The following RHOJ variants were observed in gnomAD, a reference collection of about 807,000 sequenced individuals.
RHOJ encodes rho-related GTP-binding protein RhoJ.
In RHOJ, 11 loss-of-function variants were observed where a neutral mutation model predicts 23.4. The observed-to-expected ratio is 0.47, with a 90% CI of 0.30 to 0.78. The LOEUF is 0.78. RHOJ is among the 30% of genes least tolerant of loss of function. The probability of loss-of-function intolerance (pLI) is 0.08; values close to 1 mark genes in which losing one functional copy is unlikely to be tolerated. For missense variants in RHOJ, 254 were observed against 273.4 expected, an observed-to-expected ratio of 0.93 and a Z score of 0.50; for synonymous variants, 102 against 102.7, an observed-to-expected ratio of 0.99 and a Z score of 0.04.
intron 2 of RHOJ, among the ~76,000 whole-genome samples, chr14:63,273,338 T>C (rs1289644353): frequency 6.6e-6 from 1 of 152,248 alleles, no homozygotes; most frequent in Non-Finnish European, 1.5e-5. Flanking sequence ...CAACTCATCC[T>C]GTACGAGACA....
At position 63,277,324 on chromosome 14, in the gene RHOJ, C is replaced by A. The variant is rs114027770; in HGVS notation, c.238-3647C>A. Among the ~76,000 whole-genome samples, 340 of 152,302 alleles carry A rather than the reference C, an allele frequency of 2.2e-3. 1 individual carries two copies. The highest frequency in any genetic ancestry group is 7.7e-3 in the African/African-American group (319 of 41,566). On this transcript the variant is annotated intron_variant, in intron 2 of 4. Coordinates refer to ENST00000316754, the MANE Select transcript of RHOJ (RefSeq NM_020663.5). ...AACAATGGCTGACCTTTAGCAATAACCCCTTGGGTGCATCCTCCATTAATG... is the reference window on the plus strand; with the variant it reads ...AACAATGGCTGACCTTTAGCAATAAACCCTTGGGTGCATCCTCCATTAATG...
At chr14:63,287,554 C>A (rs1333694295) in intron 4 of RHOJ, among the ~76,000 whole-genome samples, 1 of 151,572 alleles carries the variant, frequency 6.6e-6, no homozygotes, top group Non-Finnish European at 1.5e-5. Context: ...ACTAGAACAA[C>A]ATGGAAGAAG....
rs974069685 is a variant in RHOJ at position 63,293,432 on chromosome 14, G to A, written c.*2408G>A. Among the ~76,000 whole-genome samples the A allele has an allele frequency of 5.3e-5, 8 of 152,218 alleles. No individual in the cohort carries two copies. Among genetic ancestry groups the A allele is most frequent in the African/African-American group, 1.9e-4 (8 of 41,462 alleles). Reference sequence around the variant, plus strand: ...CAGAACCAGCAACTGGATAGAGACTGTTGTTAGTGTCTGGGTAGAGCACAG... The same window carrying A: ...CAGAACCAGCAACTGGATAGAGACTATTGTTAGTGTCTGGGTAGAGCACAG... On this transcript the variant is annotated 3_prime_UTR_variant, in exon 5 of 5. Coordinates refer to ENST00000316754, the MANE Select transcript of RHOJ (RefSeq NM_020663.5).
chr14:63,259,819 C>A (rs565821431), intron 1 of RHOJ, among the ~76,000 whole-genome samples: 1 of 152,080 alleles, frequency 6.6e-6, no homozygotes, highest in African/African-American at 2.4e-5. Flanking sequence ...GTTTCGTTAC[C>A]TAAAAAGAAC....
At chr14:63,224,015 G>A (rs1429785961) in intron 1 of RHOJ, among the ~76,000 whole-genome samples, 10 of 151,948 alleles carry the variant, frequency 6.6e-5, no homozygotes, top group South Asian at 2.1e-4. Context: ...ATAACATAGC[G>A]CTCCAGGGGT....
intron 1 of RHOJ, among the ~76,000 whole-genome samples, chr14:63,237,217 A>T (rs1398735224): frequency 6.6e-6 from 1 of 152,210 alleles, no homozygotes; most frequent in African/African-American, 2.4e-5. Context: ...AGAAAATATG[A>T]GCAAGAGAAT....
intron 2 of RHOJ, among the ~76,000 whole-genome samples, chr14:63,273,725 C>T (rs1229068417): frequency 6.6e-6 from 1 of 152,238 alleles, no homozygotes; most frequent in Non-Finnish European, 1.5e-5. Context: ...AAGCCCTATT[C>T]AGATTGTGGC....
chr14:63,291,199 C>T lies in RHOJ; in HGVS notation c.*175C>T, dbSNP rs766805640. On this transcript the variant is annotated 3_prime_UTR_variant, in exon 5 of 5. Transcript: ENST00000316754. ...CAGCACACTAGTCAGCCCACTGCCA[C>T]GACCTCCCTGCCAGCCAGAAGCATC... The T allele has an allele frequency of 5.3e-5, 38 of 710,632 alleles. No individual in the cohort carries two copies. The highest frequency in any genetic ancestry group is 4.7e-4 in the South Asian group (30 of 63,776). The allele number at this position is 710,632 out of a possible 1,614,324, so 44.0% of individuals were successfully genotyped here. A position where few individuals can be genotyped will look rare whatever the true frequency, so the allele number is the denominator to read the frequency against.
At chr14:63,240,232 T>C (rs540951969) in intron 1 of RHOJ, among the ~76,000 whole-genome samples, 59 of 152,324 alleles carry the variant, frequency 3.9e-4, no homozygotes, top group South Asian at 3.3e-3. Context: ...AAATATACTT[T>C]CTTTCTGGAA....
intron 2 of RHOJ, among the ~76,000 whole-genome samples, chr14:63,272,916 G>A (rs905296363): frequency 2.0e-5 from 3 of 152,154 alleles, no homozygotes; most frequent in Non-Finnish European, 4.4e-5. Context: ...CCAGCTACTT[G>A]GGGGGCTGAG....
At chr14:63,211,516 A>G (rs903751759) in intron 1 of RHOJ, among the ~76,000 whole-genome samples, 3 of 152,220 alleles carry the variant, frequency 2.0e-5, no homozygotes, top group Non-Finnish European at 4.4e-5. Flanking sequence ...CTTATAGAGT[A>G]TATGTGATGT....
chr14:63,280,856 G>A (rs945798484), intron 2 of RHOJ, 115 bp from the exon 3 acceptor site: 1 of 919,468 alleles, frequency 1.1e-6, no homozygotes, highest in South Asian at 2.5e-5. Flanking sequence ...CCAGGGTTGA[G>A]GAAGAAACGG....
In RHOJ at chr14:63,278,407, C is replaced by T. The variant is rs111292726; in HGVS notation, c.238-2564C>T. Among the ~76,000 whole-genome samples, 178 of 152,184 alleles carry T rather than the reference C, an allele frequency of 1.2e-3. 1 individual carries two copies. The highest frequency in any genetic ancestry group is 4.0e-3 in the African/African-American group (167 of 41,498). On this transcript the variant is annotated intron_variant, in intron 2 of 4. Transcript: ENST00000316754. ...TGTATGTAGTGTGCACATGTGTGTACTTCCTTTTCTGGTCTTTTTTAAAAT... is the reference window on the plus strand; with the variant it reads ...TGTATGTAGTGTGCACATGTGTGTATTTCCTTTTCTGGTCTTTTTTAAAAT...
At chr14:63,241,325 T>C (rs1031764221) in intron 1 of RHOJ, among the ~76,000 whole-genome samples, 3 of 152,140 alleles carry the variant, frequency 2.0e-5, no homozygotes, top group African/African-American at 7.2e-5. Flanking sequence ...AAGTCTTCCA[T>C]AGAGCCATAA....
chr14:63,240,521 T>C (rs1410028671), intron 1 of RHOJ, among the ~76,000 whole-genome samples: 16 of 152,136 alleles, frequency 1.1e-4, no homozygotes, highest in Admixed American at 9.8e-4. Context: ...TGAAGATGTA[T>C]AGGGCTCCAG....
intron 2 of RHOJ, among the ~76,000 whole-genome samples, chr14:63,271,883 C>A (rs948273555): frequency 6.6e-6 from 1 of 152,180 alleles, no homozygotes; most frequent in Admixed American, 6.5e-5. Flanking sequence ...CAGATGTGAG[C>A]CCAAGAGTTT....
intron 1 of RHOJ, among the ~76,000 whole-genome samples, chr14:63,206,454 A>G (rs1894110635): frequency 6.6e-6 from 1 of 152,248 alleles, no homozygotes; most frequent in African/African-American, 2.4e-5. Context: ...AGTTCCTCAG[A>G]TTCTTCTCCT....
chr14:63,217,488 T>C (rs8011694), intron 1 of RHOJ, among the ~76,000 whole-genome samples: 94,527 of 151,646 alleles, frequency 0.62, 33,633 homozygotes, highest in South Asian at 0.82. Flanking sequence ...GCTAGCCATA[T>C]GTAGAAAGCT....
At chr14:63,283,624 A>C (rs970227572) in intron 4 of RHOJ, among the ~76,000 whole-genome samples, 17 of 152,098 alleles carry the variant, frequency 1.1e-4, no homozygotes, top group Non-Finnish European at 2.4e-4. Context: ...CTTGGGAGAG[A>C]CTTGGGTTAG....
Sources: gnomAD v4.1 joint callset for allele counts (sites outside exome capture counted in the v4.1 genomes callset) on GRCh38, gnomAD v4.1.1 for gene constraint, MANE v1.5 for transcripts, NCBI Gene and HGNC (gene_info 2026-07-23, HGNC 2026-07-21) for gene names.